Variants in ECPAS observed in about 807,000 individuals in gnomAD.
ECPAS encodes the protein Ecm29 proteasome adaptor and scaffold.
Under a neutral mutation model 255.1 loss-of-function variants are expected in ECPAS, and 70 were observed. That is an observed-to-expected ratio of 0.27 (90% confidence interval 0.23 to 0.33). The LOEUF (loss-of-function observed/expected upper bound fraction) is 0.33, where lower values mean the gene tolerates loss of function less well. Among genes scored for constraint, ECPAS ranks in the 10% least tolerant of loss-of-function variants. The probability of loss-of-function intolerance (pLI) is 1.00; values close to 1 mark genes in which losing one functional copy is unlikely to be tolerated. For synonymous variants in ECPAS, 784 were observed against 775.0 expected (o/e 1.01, Z -0.19); for missense variants, 1,817 against 2,206.4 (o/e 0.82, Z 3.54).
intron 36 of ECPAS, among the ~76,000 whole-genome samples, chr9:111,377,889 G>C (rs905777284): frequency 6.6e-6 from 1 of 152,210 alleles, no homozygotes; most frequent in East Asian, 1.9e-4. Context: ...GCTCACGCCT[G>C]TAATCCCAGC....
intron 24 of ECPAS, among the ~76,000 whole-genome samples, chr9:111,400,322 A>G (rs994382877): frequency 6.6e-6 from 1 of 152,208 alleles, no homozygotes; most frequent in Non-Finnish European, 1.5e-5. Context: ...GACTGTGAAG[A>G]CTGGAATAAA....
chr9:111,434,718 C>A (rs908240280), intron 7 of ECPAS, among the ~76,000 whole-genome samples: 1 of 151,236 alleles, frequency 6.6e-6, no homozygotes, highest in Non-Finnish European at 1.5e-5. Flanking sequence ...GCCTCCCCAG[C>A]AGCTGGGGCT....
chr9:111,425,562 AT>A, intron 11 of ECPAS, 66 bp from the exon 12 acceptor site: 1 of 1,188,546 alleles, frequency 8.4e-7, no homozygotes, highest in Non-Finnish European at 1.2e-6. Context: ...TTTACGGATG[AT>A]TACATAAAAT....
In ECPAS at chr9:111,361,853, C is replaced by T. The variant is rs2098113631; in HGVS notation, c.*177G>A. On this transcript the variant is annotated 3_prime_UTR_variant, in exon 50 of 50. Transcript: ENST00000684092. ...TCACTCAGCCCAGATACTTTAAAAACATAAAGTAAAATAAAGCTAATAAGG... is the reference window on the plus strand; with the variant it reads ...TCACTCAGCCCAGATACTTTAAAAATATAAAGTAAAATAAAGCTAATAAGG... 5 of 681,458 alleles carry T rather than the reference C, an allele frequency of 7.3e-6. No individual in the cohort carries two copies. The highest frequency in any genetic ancestry group is 1.1e-5 in the Non-Finnish European group (5 of 439,114). The allele number at this position is 681,458 out of a possible 1,614,324, so 42.2% of individuals were successfully genotyped here. A position where few individuals can be genotyped will look rare whatever the true frequency, so the allele number is the denominator to read the frequency against.
intron 24 of ECPAS, among the ~76,000 whole-genome samples, chr9:111,407,968 T>C (rs1422133549): frequency 2.6e-5 from 4 of 152,134 alleles, no homozygotes; most frequent in South Asian, 2.1e-4. Flanking sequence ...TACCCTAGTA[T>C]GATGGGTCAG....
intron 2 of ECPAS, among the ~76,000 whole-genome samples, chr9:111,471,436 A>C (rs1206524941): frequency 6.6e-6 from 1 of 152,242 alleles, no homozygotes; most frequent in Non-Finnish European, 1.5e-5. Flanking sequence ...TAAATGAATA[A>C]GACATTTTGT....
At chr9:111,433,931 TCAAA>T (rs746466652) in intron 7 of ECPAS, among the ~76,000 whole-genome samples, 1 of 152,240 alleles carries the variant, frequency 6.6e-6, no homozygotes, top group African/African-American at 2.4e-5. Context: ...GAAATTCTAA[TCAAA>T]CAGTTTTCAA....
chr9:111,454,760 G>T (rs1271425666), intron 2 of ECPAS, among the ~76,000 whole-genome samples: 1 of 150,158 alleles, frequency 6.7e-6, no homozygotes, highest in African/African-American at 2.5e-5. Flanking sequence ...CCAGGCTAGA[G>T]TGCAGTGGCG....
intron 24 of ECPAS, among the ~76,000 whole-genome samples, chr9:111,406,351 G>T (rs1287318198): frequency 1.3e-5 from 2 of 149,764 alleles, no homozygotes; most frequent in African/African-American, 2.5e-5. Context: ...GGTTACCAGA[G>T]GCCAGGAAAG....
intron 8 of ECPAS, among the ~76,000 whole-genome samples, chr9:111,432,528 C>T (rs1201479868): frequency 6.6e-6 from 1 of 152,204 alleles, no homozygotes; most frequent in Non-Finnish European, 1.5e-5. Flanking sequence ...GCATGAGAAT[C>T]GCTTGAACCT....
intron 2 of ECPAS, among the ~76,000 whole-genome samples, chr9:111,465,636 TTATGA>T (rs1405222773): frequency 1.3e-5 from 2 of 151,662 alleles, no homozygotes; most frequent in East Asian, 3.9e-4. Context: ...TAATTTTATT[TTATGA>T]TATAATTATA....
intron 2 of ECPAS, among the ~76,000 whole-genome samples, chr9:111,465,262 G>A (rs1249207848): frequency 5.9e-5 from 9 of 151,874 alleles, no homozygotes; most frequent in South Asian, 2.1e-4. Flanking sequence ...CTCCAAGGCC[G>A]GGCACAGTGG....
At chr9:111,426,835 G>A (rs2098222355) in intron 10 of ECPAS, among the ~76,000 whole-genome samples, 1 of 152,058 alleles carries the variant, frequency 6.6e-6, no homozygotes, top group Non-Finnish European at 1.5e-5. Flanking sequence ...AGGCATGGTG[G>A]CACATGCCTG....
intron 1 of ECPAS, among the ~76,000 whole-genome samples, chr9:111,481,605 C>G (rs1214168772): frequency 1.3e-5 from 2 of 152,052 alleles, no homozygotes; most frequent in African/African-American, 4.8e-5. Context: ...GGGTATGTAC[C>G]CAAAAGAACT....
At position 111,421,959 on chromosome 9, in the gene ECPAS, T is replaced by A; in HGVS notation, c.1417A>T (p.Thr473Ser). 6.2e-7 allele frequency: 1 copy of A among 1,613,578 alleles called. No individual in the cohort carries two copies. The highest frequency in any genetic ancestry group is 1.1e-5 in the South Asian group (1 of 91,064). Residue 473 changes from threonine to serine, a missense_variant, in exon 15 of 50, where the codon ACT (threonine) becomes TCT (serine). Thr to Ser is a moderately conservative substitution (Grantham distance 58). This residue lies in a region of ECPAS where 573 missense variants were observed against 716.2 expected (regional missense o/e 0.80). Coordinates refer to ENST00000684092, the MANE Select transcript of ECPAS (RefSeq NM_001364929.1). ...GAAGCCACAAGTGCCTCCATGAGAG[T>A]TCGCTGTGCCCCTTCCAAAGTACTA... ...AYSTLEGAQR[T>S]LMEALVASYL...
chr9:111,419,254 C>A (rs1358255198), intron 16 of ECPAS, among the ~76,000 whole-genome samples: 2 of 152,080 alleles, frequency 1.3e-5, no homozygotes, highest in African/African-American at 2.4e-5. Flanking sequence ...CCAAATAAGG[C>A]TATCCCTGAT....
chr9:111,389,577 C>T lies in ECPAS; in HGVS notation c.3426G>A (p.Ala1142=), dbSNP rs762336695. 3.1e-6 allele frequency: 5 copies of T among 1,613,454 alleles called. No individual in the cohort carries two copies. Among genetic ancestry groups the T allele is most frequent in the Admixed American group, 1.7e-5 (1 of 59,948 alleles). ...TTACCATGGATTTGTCAGTGACCAACGCATTCCAAATACTTGTCATGGCCT... is the reference window on the plus strand; with the variant it reads ...TTACCATGGATTTGTCAGTGACCAATGCATTCCAAATACTTGTCATGGCCT... ...IRQAMTSIWN[A]LVTDKSMVDK... The change falls in exon 31 of 50, where the codon GCG becomes GCA. Residue 1142 remains alanine, a synonymous_variant. Coordinates refer to ENST00000684092, the MANE Select transcript of ECPAS (RefSeq NM_001364929.1).
At chr9:111,464,531 A>C (rs2098276960) in intron 2 of ECPAS, among the ~76,000 whole-genome samples, 1 of 152,158 alleles carries the variant, frequency 6.6e-6, no homozygotes, top group Admixed American at 6.6e-5. Context: ...CAAAAATATA[A>C]AAACAATCTA....
At position 111,385,320 on chromosome 9, in the gene ECPAS, A is replaced by C; in HGVS notation, c.3633+17T>G. 8.4e-7 allele frequency: 1 copy of C among 1,185,532 alleles called. No homozygotes were observed. Among genetic ancestry groups the C allele is most frequent in the Non-Finnish European group, 1.2e-6 (1 of 833,626 alleles). The allele number at this position is 1,185,532 out of a possible 1,614,324, so 73.4% of individuals were successfully genotyped here. On this transcript the variant is annotated intron_variant, in intron 33 of 49. Coordinates refer to ENST00000684092, the MANE Select transcript of ECPAS (RefSeq NM_001364929.1). ...TAACTTTTTGTATATATAAATGCTG[A>C]TTTATTTCTATAATACCTTGATATC... is the stretch of plus-strand genomic sequence containing the variant.
Sources: allele counts gnomAD v4.1 joint callset (sites outside exome capture counted in the v4.1 genomes callset), GRCh38; gene constraint gnomAD v4.1.1; regional missense constraint gnomAD v4.1.1; transcripts MANE v1.5; gene names NCBI Gene and HGNC (gene_info 2026-07-23, HGNC 2026-07-21).